The following RANBP3L variants were observed in gnomAD, a reference collection of about 807,000 sequenced individuals.
RANBP3L encodes the protein ran-binding protein 3-like.
Under a neutral mutation model 67.2 loss-of-function variants are expected in RANBP3L, and 56 were observed. That is an observed-to-expected ratio of 0.83 (90% CI 0.67 to 1.04). The LOEUF (loss-of-function observed/expected upper bound fraction) is 1.04, where lower values mean the gene tolerates loss of function less well. Among genes scored for constraint, RANBP3L ranks in the 50% least tolerant of loss-of-function variants. RANBP3L has a pLI of 0.00. For synonymous variants in RANBP3L, 164 were observed against 181.4 expected (o/e 0.90, Z 0.77); for missense variants, 496 against 535.5 (o/e 0.93, Z 0.73).
intron 2 of RANBP3L, 102 bp downstream of exon 2, chr5:36,271,151 G>A (rs1308446441): frequency 2.4e-5 from 18 of 748,304 alleles, no homozygotes; most frequent in Non-Finnish European, 4.1e-5. Flanking sequence ...GTAAAGAACA[G>A]GATAAACCTA....
intron 4 of RANBP3L, chr5:36,268,365 A>C: frequency 1.6e-6 from 1 of 639,906 alleles, no homozygotes; most frequent in South Asian, 2.5e-5. Context: ...CTGTATCACT[A>C]ATTTAGAAAA....
chr5:36,275,219 C>A (rs1750488625), intron 1 of RANBP3L, among the ~76,000 whole-genome samples: 1 of 152,146 alleles, frequency 6.6e-6, no homozygotes, highest in African/African-American at 2.4e-5. Flanking sequence ...GGGTCAAGTG[C>A]TTTTATCCAT....
intron 2 of RANBP3L, among the ~76,000 whole-genome samples, chr5:36,270,740 C>T (rs919586470): frequency 1.3e-5 from 2 of 152,174 alleles, no homozygotes; most frequent in African/African-American, 4.8e-5. Context: ...TCAAACAGTC[C>T]TCCCACCGTG....
At chr5:36,257,215 T>G in intron 9 of RANBP3L, 144 bp from the exon 10 acceptor site, 1 of 708,612 alleles carries the variant, frequency 1.4e-6, no homozygotes, top group Non-Finnish European at 2.2e-6. Flanking sequence ...TGAGTTGGTG[T>G]AAAATCTCCT....
rs1750091458 is a variant in RANBP3L, at chr5:36,269,946, A to G, written c.190+5T>C. On this transcript the variant is annotated splice_donor_5th_base_variant and intron_variant, in intron 3 of 13. Coordinates refer to ENST00000296604, the MANE Select transcript of RANBP3L (RefSeq NM_145000.5). ...GATTTTGGAATACAGGATGAAAATC[A>G]TTACCTGGTTCTGCTGCTTCATACA... 5.0e-6 allele frequency: 8 copies of G among 1,612,044 alleles called. No individual in the cohort carries two copies. The highest frequency in any genetic ancestry group is 5.9e-6 in the Non-Finnish European group (7 of 1,178,140).
At position 36,248,808 on chromosome 5, in the gene RANBP3L, T is replaced by C. The variant is rs1004189993; in HGVS notation, c.*846A>G. On this transcript the variant is annotated 3_prime_UTR_variant, in exon 14 of 14. Transcript: ENST00000296604. ...CGCAAAGAAGAGGATCAAAACTCTATTGTAAAATTGTTGAAATTACTGTAG... is the reference window on the plus strand; with the variant it reads ...CGCAAAGAAGAGGATCAAAACTCTACTGTAAAATTGTTGAAATTACTGTAG... The C allele has an allele frequency of 4.6e-5, 7 of 152,176 alleles. No homozygotes were observed. The highest frequency in any genetic ancestry group is 2.0e-4 in the Admixed American group (3 of 15,284). 9.4% of individuals were successfully genotyped at this position (152,176 alleles called of 1,614,324 possible).
At chr5:36,268,747 C>A (rs1749990301) in intron 4 of RANBP3L, among the ~76,000 whole-genome samples, 1 of 151,216 alleles carries the variant, frequency 6.6e-6, no homozygotes, top group Admixed American at 6.6e-5. Context: ...CTCACACTGT[C>A]ACCCCACCTG....
intron 6 of RANBP3L, among the ~76,000 whole-genome samples, chr5:36,264,692 C>T (rs1749629541): frequency 6.6e-6 from 1 of 152,190 alleles, no homozygotes; most frequent in South Asian, 2.1e-4. Flanking sequence ...CATTCTCACA[C>T]AGGGTCATTG....
intron 6 of RANBP3L, among the ~76,000 whole-genome samples, chr5:36,262,603 G>A (rs898774476): frequency 2.6e-5 from 4 of 151,846 alleles, no homozygotes; most frequent in African/African-American, 4.8e-5. Flanking sequence ...ATTTAGAATT[G>A]GAAGGAACCC....
In RANBP3L at chr5:36,271,295, A is replaced by G; in HGVS notation, c.108T>C (p.Ala36=). 2 of 1,586,502 alleles carry G rather than the reference A, an allele frequency of 1.3e-6. No individual in the cohort carries two copies. The highest frequency in any genetic ancestry group is 1.7e-6 in the Non-Finnish European group (2 of 1,156,226). Residue 36 remains alanine, a synonymous_variant, in exon 2 of 14, where the codon GCT becomes GCC. Transcript: ENST00000296604. Reference sequence around the variant, plus strand: ...CCTTTTCAAAAACAAATATGGGTTGAGCAATGACAGATTTTTCTGTGAAAA... The same window carrying G: ...CCTTTTCAAAAACAAATATGGGTTGGGCAATGACAGATTTTTCTGTGAAAA... The part of the protein sequence containing the change: ...DRRQQEKSVI[A]QPIFVFEKGE...
At chr5:36,265,993 A>AAAAG (rs1554016132) in intron 4 of RANBP3L, among the ~76,000 whole-genome samples, 1 of 149,220 alleles carries the variant, frequency 6.7e-6, no homozygotes, top group African/African-American at 2.6e-5. Context: ...AAAAAAAAAA[A>AAAAG]AAAAAAAGAT....
At chr5:36,257,172 T>G in intron 9 of RANBP3L, 101 bp from the exon 10 acceptor site, 1 of 953,204 alleles carries the variant, frequency 1.0e-6, no homozygotes, top group Non-Finnish European at 1.5e-6. Flanking sequence ...TGGCTTCTTC[T>G]AGTAGTAAGT....
chr5:36,258,037 C>T (rs535404451), intron 8 of RANBP3L, among the ~76,000 whole-genome samples: 1 of 152,168 alleles, frequency 6.6e-6, no homozygotes, highest in East Asian at 1.9e-4. Context: ...CAAGGTATTT[C>T]AGTATCCCCA....
intron 6 of RANBP3L, 135 bp downstream of exon 6, chr5:36,264,824 A>G: frequency 1.4e-6 from 1 of 720,836 alleles, no homozygotes. Flanking sequence ...AAGTTTACCA[A>G]GGGCTTTATG....
intron 10 of RANBP3L, 56 bp downstream of exon 10, chr5:36,256,885 A>G: frequency 6.7e-7 from 1 of 1,502,438 alleles, no homozygotes; most frequent in South Asian, 1.2e-5. Context: ...TTCTCATGTT[A>G]ACTTTATTCC....
intron 1 of RANBP3L, among the ~76,000 whole-genome samples, chr5:36,292,384 T>C (rs879808383): frequency 6.8e-4 from 103 of 152,086 alleles, no homozygotes; most frequent in Non-Finnish European, 1.1e-3. Context: ...TCTTTTGCTG[T>C]GCAGAAGCTC....
At chr5:36,269,316 T>G in intron 4 of RANBP3L, 74 bp downstream of exon 4, 1 of 897,964 alleles carries the variant, frequency 1.1e-6, no homozygotes, top group Non-Finnish European at 1.8e-6. Flanking sequence ...ATTACCCTTT[T>G]GAAAAGTTTC....
At chr5:36,265,988 A>AG (rs1196321492) in intron 4 of RANBP3L, among the ~76,000 whole-genome samples, 1 of 149,566 alleles carries the variant, frequency 6.7e-6, no homozygotes, top group African/African-American at 2.5e-5. Flanking sequence ...AAAAAAAAAA[A>AG]AAAAAAAAAA....
At chr5:36,295,889 A>T (rs1425877680) in intron 1 of RANBP3L, among the ~76,000 whole-genome samples, 2 of 152,044 alleles carry the variant, frequency 1.3e-5, no homozygotes, top group Non-Finnish European at 2.9e-5. Flanking sequence ...GAAATTTCAA[A>T]CCCACCCCAT....
Sources: allele counts gnomAD v4.1 joint callset (sites outside exome capture counted in the v4.1 genomes callset), GRCh38; gene constraint gnomAD v4.1.1; transcripts MANE v1.5; gene names NCBI Gene and HGNC (gene_info 2026-07-23, HGNC 2026-07-21).